Variants in SPIDR observed in about 807,000 individuals in gnomAD.
SPIDR encodes DNA repair-scaffolding protein.
A neutral mutation model predicts 104.6 loss-of-function variants in SPIDR; 93 were observed. That is an observed-to-expected ratio of 0.89 (90% confidence interval 0.75 to 1.06). The LOEUF is 1.06. Among genes scored for constraint, SPIDR ranks in the 50% least tolerant of loss-of-function variants. The pLI, the probability that SPIDR is intolerant of heterozygous loss-of-function variation, is 0.00. For synonymous variants in SPIDR, 431 were observed against 416.9 expected, an observed-to-expected ratio of 1.03 and a Z score of -0.41; for missense variants, 1,154 against 1,111.2, an observed-to-expected ratio of 1.04 and a Z score of -0.55.
At chr8:47,499,802 C>T (rs2154370519) in intron 8 of SPIDR, among the ~76,000 whole-genome samples, 1 of 151,886 alleles carries the variant, frequency 6.6e-6, no homozygotes, top group East Asian at 1.9e-4. Context: ...CCCCACCCCA[C>T]CCACAACAGG....
chr8:47,321,499 C>T (rs1002925785), intron 5 of SPIDR, among the ~76,000 whole-genome samples: 5 of 152,172 alleles, frequency 3.3e-5, no homozygotes, highest in African/African-American at 4.8e-5. Context: ...GAATCAGTAT[C>T]ATGAAAATGG....
chr8:47,357,399 T>C (rs2054768030), intron 5 of SPIDR, among the ~76,000 whole-genome samples: 2 of 152,226 alleles, frequency 1.3e-5, no homozygotes, highest in African/African-American at 2.4e-5. Flanking sequence ...GGCAGCACTC[T>C]GCCCTGCTCA....
rs190580906 is a variant in SPIDR, at chr8:47,487,337, G to C, written c.1097+46795G>C. 1.6e-3 allele frequency among the ~76,000 whole-genome samples: 245 copies of C among 152,282 alleles called. 2 individuals carry two copies. The highest frequency in any genetic ancestry group is 5.5e-3 in the African/African-American group (229 of 41,546). Reference sequence around the variant, plus strand: ...AAATATATATGCACCCAGTACAGGAGCACCCAGACTCATAAAGCAAGTCCT... The same window carrying C: ...AAATATATATGCACCCAGTACAGGACCACCCAGACTCATAAAGCAAGTCCT... On this transcript the variant is annotated intron_variant, in intron 8 of 19. Transcript: ENST00000297423.
At chr8:47,270,908 G>T (rs2035176586) in intron 1 of SPIDR, among the ~76,000 whole-genome samples, 1 of 151,686 alleles carries the variant, frequency 6.6e-6, no homozygotes, top group African/African-American at 2.4e-5. Context: ...TTCTATTATT[G>T]TCTAAGAACA....
At chr8:47,481,721 C>A (rs2076921939) in intron 8 of SPIDR, among the ~76,000 whole-genome samples, 1 of 152,046 alleles carries the variant, frequency 6.6e-6, no homozygotes, top group African/African-American at 2.4e-5. Flanking sequence ...GGAGACCAGC[C>A]CATGTGAGTG....
intron 5 of SPIDR, among the ~76,000 whole-genome samples, chr8:47,343,204 TA>T (rs2051127155): frequency 6.6e-6 from 1 of 152,142 alleles, no homozygotes; most frequent in African/African-American, 2.4e-5. Flanking sequence ...TTGACAGTAT[TA>T]AAATTAAGAT....
At chr8:47,568,025 G>C (rs568600653) in intron 8 of SPIDR, among the ~76,000 whole-genome samples, 3 of 151,786 alleles carry the variant, frequency 2.0e-5, no homozygotes, top group African/African-American at 7.3e-5. Context: ...AAACCTCCCC[G>C]CCAGCCTCCC....
chr8:47,399,654 G>T (rs1474051142), intron 6 of SPIDR, among the ~76,000 whole-genome samples: 1 of 152,136 alleles, frequency 6.6e-6, no homozygotes, highest in Non-Finnish European at 1.5e-5. Context: ...GTGTGGATTC[G>T]ACCCTTGGGC....
At position 47,348,741 on chromosome 8, in the gene SPIDR, G is replaced by A. The variant is rs182646595; in HGVS notation, c.526-47635G>A. ...CATCTGTCTTCCACTTCAATGAATCGGCTGCTGAAGCTTGTGCATGCGTCA... is the reference window on the plus strand; with the variant it reads ...CATCTGTCTTCCACTTCAATGAATCAGCTGCTGAAGCTTGTGCATGCGTCA... On this transcript the variant is annotated intron_variant, in intron 5 of 19. Transcript: ENST00000297423. Among the ~76,000 whole-genome samples, 1,042 of 152,034 alleles carry A rather than the reference G, an allele frequency of 6.9e-3. 9 individuals carry two copies. The highest frequency in any genetic ancestry group is 0.011 in the Non-Finnish European group (753 of 67,994).
chr8:47,685,636 C>T (rs1244299411), intron 11 of SPIDR, among the ~76,000 whole-genome samples: 2 of 151,310 alleles, frequency 1.3e-5, no homozygotes, highest in Non-Finnish European at 2.9e-5. Flanking sequence ...CTCACTGCAA[C>T]CTCCACCTCC....
chr8:47,548,231 G>A (rs56807775), intron 8 of SPIDR, among the ~76,000 whole-genome samples: 2,783 of 152,222 alleles, frequency 0.018, 87 homozygotes, highest in African/African-American at 0.064. Context: ...GTATGAATTC[G>A]TGGTACATGA....
intron 10 of SPIDR, among the ~76,000 whole-genome samples, chr8:47,642,615 G>T (rs1285768811): frequency 6.6e-6 from 1 of 152,070 alleles, no homozygotes; most frequent in Non-Finnish European, 1.5e-5. Flanking sequence ...CTTTAGGGAA[G>T]GTTGAAAAGC....
At chr8:47,657,669 G>A (rs1024355420) in intron 10 of SPIDR, among the ~76,000 whole-genome samples, 2 of 151,900 alleles carry the variant, frequency 1.3e-5, no homozygotes, top group African/African-American at 4.8e-5. Flanking sequence ...AGTGTACAGG[G>A]GTTCTCTCTG....
At position 47,405,254 on chromosome 8, in the gene SPIDR, G is replaced by C. The variant is rs572406567; in HGVS notation, c.777-2607G>C. Among the ~76,000 whole-genome samples the C allele has an allele frequency of 1.5e-3, 232 of 151,822 alleles. 2 individuals carry two copies. The highest frequency in any genetic ancestry group is 2.3e-3 in the Non-Finnish European group (157 of 67,942). ...AGCATTAGGAGAAATACCTAATGTA[G>C]ATGACGAGTTAACGGGTGCAGCACA... is the stretch of plus-strand genomic sequence containing the variant. On this transcript the variant is annotated intron_variant, in intron 6 of 19. Coordinates refer to ENST00000297423, the MANE Select transcript of SPIDR (RefSeq NM_001080394.4).
intron 8 of SPIDR, chr8:47,547,410 T>C: frequency 7.4e-6 from 2 of 270,490 alleles, no homozygotes. Context: ...AAATCTTCTC[T>C]TTTTTTGTAT....
At position 47,291,071 on chromosome 8, in the gene SPIDR, A is replaced by G. The variant is rs949923655; in HGVS notation, c.295A>G (p.Ile99Val). Residue 99 changes from isoleucine to valine, a missense_variant, in exon 4 of 20, where the codon ATA becomes GTA. Coordinates refer to ENST00000297423, the MANE Select transcript of SPIDR (RefSeq NM_001080394.4). ...TSKSTSGLTDITWSSSGSDLS... is the reference protein window; with the variant it reads ...TSKSTSGLTDVTWSSSGSDLS... ...TAAAAGCACCAGTGGGCTTACAGAC[A>G]TAACATGGAGCTCCAGTGGAAGTGA... 2.4e-4 allele frequency: 380 copies of G among 1,613,430 alleles called. 1 individual carries two copies. Among genetic ancestry groups the G allele is most frequent in the Admixed American group, 9.2e-4 (55 of 59,966 alleles).
At chr8:47,444,970 C>T (rs1309822914) in intron 8 of SPIDR, among the ~76,000 whole-genome samples, 1 of 152,154 alleles carries the variant, frequency 6.6e-6, no homozygotes, top group Non-Finnish European at 1.5e-5. Context: ...TTCAAAGTCG[C>T]TTTTAGGAAC....
intron 5 of SPIDR, among the ~76,000 whole-genome samples, chr8:47,312,050 C>T (rs1247126320): frequency 2.0e-5 from 3 of 152,152 alleles, no homozygotes; most frequent in African/African-American, 4.8e-5. Flanking sequence ...GACATGAACT[C>T]TTCATTTTTT....
At chr8:47,283,753 A>G (rs1365818895) in intron 2 of SPIDR, among the ~76,000 whole-genome samples, 1 of 152,210 alleles carries the variant, frequency 6.6e-6, no homozygotes, top group East Asian at 1.9e-4. Flanking sequence ...TGAGTACCTC[A>G]TAGGCAGTTG....
Sources: gnomAD v4.1 joint callset for allele counts (sites outside exome capture counted in the v4.1 genomes callset) on GRCh38, gnomAD v4.1.1 for gene constraint, MANE v1.5 for transcripts, NCBI Gene and HGNC (gene_info 2026-07-23, HGNC 2026-07-21) for gene names.